Variants in GDI2 observed in about 807,000 individuals in gnomAD.
GDI2 encodes the protein GDP dissociation inhibitor 2.
In GDI2, 22 loss-of-function variants were observed where a neutral mutation model predicts 54.2. The observed-to-expected ratio is 0.41, with a 90% CI of 0.29 to 0.58. The LOEUF is 0.58. Ranked by LOEUF, GDI2 falls within the 20% of genes least tolerant of loss-of-function variation. The probability of loss-of-function intolerance (pLI) is 0.35; values close to 1 mark genes in which losing one functional copy is unlikely to be tolerated. For synonymous variants in GDI2, 177 were observed against 182.1 expected (o/e 0.97, Z 0.23); for missense variants, 422 against 546.0 (o/e 0.77, Z 2.26).
chr10:5,809,316 G>A (rs1841442678), intron 1 of GDI2, among the ~76,000 whole-genome samples: 1 of 151,000 alleles, frequency 6.6e-6, no homozygotes, highest in Non-Finnish European at 1.5e-5. Flanking sequence ...TCACTCTCCT[G>A]CTCAAAGTCC....
chr10:5,808,726 T>TAC (rs111237506), intron 1 of GDI2, among the ~76,000 whole-genome samples: 29,360 of 138,068 alleles, frequency 0.21, 3,243 homozygotes, highest in Admixed American at 0.26. Flanking sequence ...AAACTACAAA[T>TAC]ACACACACAC....
chr10:5,805,675 CACT>C (rs983415264), intron 1 of GDI2, among the ~76,000 whole-genome samples: 19 of 152,326 alleles, frequency 1.2e-4, no homozygotes, highest in Non-Finnish European at 1.9e-4. Flanking sequence ...TGTCAGCCAC[CACT>C]GATGCTGATG....
intron 2 of GDI2, among the ~76,000 whole-genome samples, chr10:5,798,240 T>A (rs1841191065): frequency 6.6e-6 from 1 of 152,218 alleles, no homozygotes; most frequent in African/African-American, 2.4e-5. Flanking sequence ...CTTGAGCTCA[T>A]GAATCCTACT....
chr10:5,781,595 G>A (rs1479953339), intron 6 of GDI2, among the ~76,000 whole-genome samples: 12 of 145,936 alleles, frequency 8.2e-5, no homozygotes, highest in East Asian at 2.0e-4. Flanking sequence ...ACTGCAATCC[G>A]GCCTGGGCAA....
Position 5,776,943 on chromosome 10 carries a change from A to G in GDI2, c.720-3002T>C. Reference sequence around the variant, plus strand: ...AGCAAAAAAATTAAAAGGGAAAACCACATAGAAGGGTAATCCCGGAAATGC... The same window carrying G: ...AGCAAAAAAATTAAAAGGGAAAACCGCATAGAAGGGTAATCCCGGAAATGC... On this transcript the variant is annotated intron_variant, in intron 6 of 10. Transcript: ENST00000380191. The surrounding 1 kb of genome is among the most constrained non-coding windows in gnomAD (Gnocchi z 5.3). 3.4e-6 allele frequency: 2 copies of G among 591,940 alleles called. No individual in the cohort carries two copies. Among genetic ancestry groups the G allele is most frequent in the Admixed American group, 6.8e-5 (2 of 29,336 alleles). The allele number at this position is 591,940 out of a possible 1,614,324, so 36.7% of individuals were successfully genotyped here.
In GDI2 at chr10:5,809,562, C is replaced by A. The variant is rs1373046967; in HGVS notation, c.45+3652G>T. Among the ~76,000 whole-genome samples, 3 of 152,208 alleles carry A rather than the reference C, an allele frequency of 2.0e-5. No individual in the cohort carries two copies. The East Asian group carries it at 5.8e-4, about 29-fold the overall frequency. On this transcript the variant is annotated intron_variant, in intron 1 of 10. Coordinates refer to ENST00000380191, the MANE Select transcript of GDI2 (RefSeq NM_001494.4). ...TACGAAGGTTTTCCTGATTCCCTGA[C>A]TGAACTCATATAAGTGCACCTCTTA...
In GDI2 at chr10:5,768,335, C is replaced by T. The variant is rs751756095; in HGVS notation, c.869G>A (p.Arg290Gln). The change falls in exon 8 of 11, where the codon CGG (arginine) becomes CAG (glutamine). Residue 290 changes from arginine to glutamine, a missense_variant. Coordinates refer to ENST00000380191, the MANE Select transcript of GDI2 (RefSeq NM_001494.4). This position sits in a 1 kb window ranked among gnomAD's most constrained non-coding sequence, Gnocchi z 4.4. Reference sequence around the variant, plus strand: ...GATCACCTGGCCCACTTTTTCTACCCGATCTTTTACGTAGCTGGGGTCACA... The same window carrying T: ...GATCACCTGGCCCACTTTTTCTACCTGATCTTTTACGTAGCTGGGGTCACA... ...LICDPSYVKD[R>Q]VEKVGQVIRV... is the part of the protein sequence containing the mutation. The T allele has an allele frequency of 6.8e-6, 11 of 1,613,358 alleles. No homozygotes were observed. The highest frequency in any genetic ancestry group is 4.4e-5 in the South Asian group (4 of 91,066).
chr10:5,780,580 T>A (rs1164768573), intron 6 of GDI2, among the ~76,000 whole-genome samples: 1 of 152,212 alleles, frequency 6.6e-6, no homozygotes, highest in Non-Finnish European at 1.5e-5. Flanking sequence ...GATCATAGGA[T>A]ACAACGTCAA....
intron 1 of GDI2, among the ~76,000 whole-genome samples, chr10:5,801,624 C>A (rs920268768): frequency 6.6e-5 from 10 of 151,928 alleles, no homozygotes; most frequent in Admixed American, 2.6e-4. Flanking sequence ...TGTGGTGAAC[C>A]AAGATCACAC....
At position 5,776,731 on chromosome 10, in the gene GDI2, G is replaced by T; in HGVS notation, c.720-2790C>A. The T allele has an allele frequency of 6.7e-7, 1 of 1,489,008 alleles. No individual in the cohort carries two copies. Among genetic ancestry groups the T allele is most frequent in the Non-Finnish European group, 9.3e-7 (1 of 1,071,532 alleles). The allele number at this position is 1,489,008 out of a possible 1,614,324, so 92.2% of individuals were successfully genotyped here. A position where few individuals can be genotyped will look rare whatever the true frequency, so the allele number is the denominator to read the frequency against. Reference sequence around the variant, plus strand: ...AAACTGCTACAGCCTCTTTAACCTGGCAGAAGTTTGCAGCAAATACCAGGA... The same window carrying T: ...AAACTGCTACAGCCTCTTTAACCTGTCAGAAGTTTGCAGCAAATACCAGGA... On this transcript the variant is annotated intron_variant, in intron 6 of 10. Coordinates refer to ENST00000380191, the MANE Select transcript of GDI2 (RefSeq NM_001494.4). The surrounding 1 kb of genome is among the most constrained non-coding windows in gnomAD (Gnocchi z 5.3).
At chr10:5,798,117 C>G (rs1224199765) in intron 2 of GDI2, among the ~76,000 whole-genome samples, 1 of 152,092 alleles carries the variant, frequency 6.6e-6, no homozygotes, top group Non-Finnish European at 1.5e-5. Flanking sequence ...CCAAAATTGT[C>G]CTTTTGTTCT....
chr10:5,804,356 A>G (rs1364884174), intron 1 of GDI2, among the ~76,000 whole-genome samples: 1 of 152,128 alleles, frequency 6.6e-6, no homozygotes, highest in Non-Finnish European at 1.5e-5. Flanking sequence ...GGCCTCCCAA[A>G]GTGCTGGGAT....
rs200803775 is a variant in GDI2, at chr10:5,780,217, AAAACAAACAAAC to A, written c.719+4913_719+4924del. ...GAGTAAGATCGTGTCTCCAAAAAAA[AAAACAAACAAAC>A]AAACAAACAAAAAAACAGACCAAAC... On this transcript the variant is annotated intron_variant, in intron 6 of 10. Coordinates refer to ENST00000380191, the MANE Select transcript of GDI2 (RefSeq NM_001494.4). Among the ~76,000 whole-genome samples the A allele has an allele frequency of 9.0e-5, 13 of 144,140 alleles. No homozygotes were observed. In the East Asian group the frequency reaches 2.0e-3, roughly 23 times the overall value. 94.6% of individuals were successfully genotyped at this position (144,140 alleles called of 152,430 possible).
At chr10:5,796,233 C>A (rs1436908325) in intron 3 of GDI2, among the ~76,000 whole-genome samples, 1 of 151,778 alleles carries the variant, frequency 6.6e-6, no homozygotes, top group African/African-American at 2.4e-5. Flanking sequence ...ACCTGTAATC[C>A]CAGCTACTTG....
intron 6 of GDI2, 99 bp downstream of exon 6, chr10:5,785,043 A>G: frequency 1.4e-6 from 1 of 735,012 alleles, no homozygotes; most frequent in Non-Finnish European, 2.1e-6. Context: ...CTTATTACTC[A>G]TAGACTGATC....
intron 7 of GDI2, among the ~76,000 whole-genome samples, chr10:5,771,475 T>C (rs1308047911): frequency 6.6e-6 from 1 of 152,220 alleles, no homozygotes; most frequent in Non-Finnish European, 1.5e-5. Flanking sequence ...ATTTTATGTG[T>C]GACCCAAGAC....
chr10:5,765,879 A>C lies in GDI2; in HGVS notation c.*127T>G. 1 of 683,592 alleles carries C rather than the reference A, an allele frequency of 1.5e-6. No homozygotes were observed. Among genetic ancestry groups the C allele is most frequent in the Non-Finnish European group, 2.4e-6 (1 of 411,244 alleles). 42.3% of individuals were successfully genotyped at this position (683,592 alleles called of 1,614,324 possible). On this transcript the variant is annotated 3_prime_UTR_variant, in exon 11 of 11. Transcript: ENST00000380191. ...ATTAGAAAGGTGAAGGGGAGTATTT[A>C]CTGGCACAGCGCTCTTCATTCTCTC...
Position 5,795,100 on chromosome 10 carries a change from A to T in GDI2, c.254-81T>A, listed in dbSNP as rs115448047. On this transcript the variant is annotated intron_variant, in intron 3 of 10. Coordinates refer to ENST00000380191, the MANE Select transcript of GDI2 (RefSeq NM_001494.4). ...TTTACTAATACTAACAGCTTCTAAA[A>T]TTTTTTCTAACGATGTTCAATAACT... is the stretch of plus-strand genomic sequence containing the variant. 1.5e-3 allele frequency: 1,329 copies of T among 875,632 alleles called. 13 individuals are homozygous for T. In the African/African-American group the frequency reaches 0.021, roughly 14 times the overall value. 54.2% of individuals were successfully genotyped at this position (875,632 alleles called of 1,614,324 possible).
intron 4 of GDI2, among the ~76,000 whole-genome samples, chr10:5,794,648 C>T (rs1841108410): frequency 6.6e-6 from 1 of 152,064 alleles, no homozygotes; most frequent in Non-Finnish European, 1.5e-5. Flanking sequence ...TCAGATCCAC[C>T]AGCCACAAGG....
Sources: gnomAD v4.1 joint callset for allele counts (sites outside exome capture counted in the v4.1 genomes callset) on GRCh38, gnomAD v4.1.1 for gene constraint, Gnocchi (gnomAD v3.1) non-coding constraint, MANE v1.5 for transcripts, NCBI Gene and HGNC (gene_info 2026-07-23, HGNC 2026-07-21) for gene names.